Variants in OPTN observed in about 807,000 individuals in gnomAD.
OPTN encodes optineurin, also known as E3-14.7K-interacting protein.
Under a neutral mutation model 70.4 loss-of-function variants are expected in OPTN, and 54 were observed. That is an observed-to-expected ratio of 0.77 (90% confidence interval 0.62 to 0.96). OPTN has a LOEUF of 0.96. Ranked by LOEUF, OPTN falls within the 40% of genes least tolerant of loss-of-function variation. The pLI is 0.00. For missense variants in OPTN, 624 were observed against 673.2 expected (o/e 0.93, Z 0.81); for synonymous variants, 256 against 248.5 (o/e 1.03, Z -0.28).
At chr10:13,102,281 G>A (rs478911) in intron 1 of OPTN, among the ~76,000 whole-genome samples, 1 of 152,000 alleles carries the variant, frequency 6.6e-6, no homozygotes, top group South Asian at 2.1e-4. Context: ...GGTGACTCTG[G>A]TGGGTCAGTT....
chr10:13,137,137 AGCATGGTGGC>A lies in OPTN; in HGVS notation c.*277_*286del. The A allele has an allele frequency of 2.2e-6, 1 of 462,958 alleles. No homozygotes were observed. Among genetic ancestry groups the A allele is most frequent in the South Asian group, 2.0e-5 (1 of 48,872 alleles). 28.7% of individuals were successfully genotyped at this position (462,958 alleles called of 1,614,324 possible). A position where few individuals can be genotyped will look rare whatever the true frequency, so the allele number is the denominator to read the frequency against. On this transcript the variant is annotated 3_prime_UTR_variant, in exon 15 of 15. Coordinates refer to ENST00000378747, the MANE Select transcript of OPTN (RefSeq NM_001008212.2). ...CTACCAAAATTACAAAAATTAGCCG[AGCATGGTGGC>A]GCATGCCTGTAGTCGCAGCTACTCG...
At chr10:13,127,227 G>A (rs930975776) in intron 11 of OPTN, among the ~76,000 whole-genome samples, 21 of 151,972 alleles carry the variant, frequency 1.4e-4, no homozygotes, top group Admixed American at 1.3e-4. Context: ...GGCAATCCAC[G>A]TGCCTCAGCC....
intron 14 of OPTN, among the ~76,000 whole-genome samples, chr10:13,135,396 G>A (rs1006229712): frequency 1.3e-5 from 2 of 151,760 alleles, no homozygotes; most frequent in African/African-American, 4.8e-5. Context: ...ATTCCTCCTT[G>A]TTAACTTTAT....
rs1195827729 is a variant in OPTN at position 13,137,274 on chromosome 10, G to A, written c.*408G>A. On this transcript the variant is annotated 3_prime_UTR_variant, in exon 15 of 15. Transcript: ENST00000378747. ...AGCCTGGGTGACAGAGGGAGACTCTGTCTCGAAAGAAAGAAAGAAAAAAAG... is the reference window on the plus strand; with the variant it reads ...AGCCTGGGTGACAGAGGGAGACTCTATCTCGAAAGAAAGAAAGAAAAAAAG... The A allele has an allele frequency of 3.1e-6, 1 of 322,268 alleles. No individual in the cohort carries two copies. The highest frequency in any genetic ancestry group is 2.1e-5 in the African/African-American group (1 of 47,752). The allele number at this position is 322,268 out of a possible 1,614,324, so 20.0% of individuals were successfully genotyped here.
At chr10:13,114,786 T>TGTA (rs1564358681) in intron 5 of OPTN, among the ~76,000 whole-genome samples, 1 of 103,684 alleles carries the variant, frequency 9.6e-6, no homozygotes, top group African/African-American at 3.9e-5. Context: ...AATTATATAA[T>TGTA]TATATAATTA....
At chr10:13,126,400 C>A (rs1388607351) in intron 11 of OPTN, among the ~76,000 whole-genome samples, 2 of 151,092 alleles carry the variant, frequency 1.3e-5, no homozygotes, top group African/African-American at 4.9e-5. Context: ...CCTGCCTCAG[C>A]CTCCCGAGTA....
Position 13,133,570 on chromosome 10 carries a change from T to G in OPTN, c.1601T>G (p.Leu534Arg), listed in dbSNP as rs1833636623. 1 of 1,613,928 alleles carries G rather than the reference T, an allele frequency of 6.2e-7. No individual in the cohort carries two copies. ...RTSDSDQQAY[L>R]VQRGAEDRDW... ...AGTGACTCTGACCAGCAGGCTTACC[T>G]TGTTCAAAGAGGTGAGTCCCGTGTG... is the stretch of plus-strand genomic sequence containing the variant. Residue 534 changes from leucine (L) to arginine (R), a missense_variant, in exon 14 of 15, where the codon CTT becomes CGT. Physicochemically the swap from Leu to Arg is moderately radical, Grantham distance 102 (BLOSUM62 -2). Transcript: ENST00000378747.
At chr10:13,129,382 C>T (rs1274296045) in intron 12 of OPTN, among the ~76,000 whole-genome samples, 1 of 149,336 alleles carries the variant, frequency 6.7e-6, no homozygotes, top group African/African-American at 2.5e-5. Flanking sequence ...GAGACAGAGT[C>T]TAGCTCTGTC....
chr10:13,108,910 G>GCA lies in OPTN; in HGVS notation c.-11-188_-11-187dup, dbSNP rs71386156. On this transcript the variant is annotated intron_variant, in intron 2 of 14. Coordinates refer to ENST00000378747, the MANE Select transcript of OPTN (RefSeq NM_001008212.2). ...CACACACACATGCACACATGCGCGTGCACACACACACACACTTTTCTGAAG... is the reference window on the plus strand; with the variant it reads ...CACACACACATGCACACATGCGCGTGCACACACACACACACACTTTTCTGAAG... 2.4e-3 allele frequency: 1,406 copies of GCA among 578,652 alleles called. 2 individuals are homozygous for GCA. Among genetic ancestry groups the GCA allele is most frequent in the Middle Eastern group, 5.7e-3 (12 of 2,102 alleles). The allele number at this position is 578,652 out of a possible 1,614,324, so 35.8% of individuals were successfully genotyped here. A position where few individuals can be genotyped will look rare whatever the true frequency, so the allele number is the denominator to read the frequency against.
Position 13,123,876 on chromosome 10 carries a change from A to G in OPTN, c.883-119A>G, listed in dbSNP as rs559163818. 1.7e-4 allele frequency: 124 copies of G among 727,588 alleles called. 5 individuals are homozygous for G. The highest frequency in any genetic ancestry group is 1.3e-3 in the East Asian group (47 of 37,238). 45.1% of individuals were successfully genotyped at this position (727,588 alleles called of 1,614,324 possible). On this transcript the variant is annotated intron_variant, in intron 8 of 14. Transcript: ENST00000378747. ...ATGTTTGGGGTATTGTCAAAGTTGGATTGATTCACCAGCCAGTCTTAATTG... is the reference window on the plus strand; with the variant it reads ...ATGTTTGGGGTATTGTCAAAGTTGGGTTGATTCACCAGCCAGTCTTAATTG...
At chr10:13,111,844 G>GGT (rs754322403) in intron 4 of OPTN, among the ~76,000 whole-genome samples, 1 of 87,730 alleles carries the variant, frequency 1.1e-5, no homozygotes, top group Non-Finnish European at 2.1e-5. Flanking sequence ...TTTTTTGACT[G>GGT]TTTTTTTTTT....
At chr10:13,132,641 C>T (rs533686602) in intron 13 of OPTN, among the ~76,000 whole-genome samples, 8 of 152,080 alleles carry the variant, frequency 5.3e-5, no homozygotes, top group Admixed American at 1.3e-4. Context: ...CTCAGCCTCC[C>T]GAGTAGCTGG....
At chr10:13,119,970 C>T (rs1396818817) in intron 7 of OPTN, among the ~76,000 whole-genome samples, 3 of 148,486 alleles carry the variant, frequency 2.0e-5, no homozygotes, top group Admixed American at 6.9e-5. Flanking sequence ...TGATCTGCAA[C>T]TATTTTCTTT....
chr10:13,132,735 T>C (rs951721071), intron 13 of OPTN, among the ~76,000 whole-genome samples: 2 of 152,142 alleles, frequency 1.3e-5, no homozygotes, highest in African/African-American at 4.8e-5. Context: ...ACGGATGAAA[T>C]ATTCGTAGCA....
At chr10:13,112,370 G>T in intron 4 of OPTN, 83 bp from the exon 5 acceptor site, 1 of 1,351,278 alleles carries the variant, frequency 7.4e-7, no homozygotes. Flanking sequence ...CAGCCTCCCA[G>T]AGCTCTGCGA....
At chr10:13,128,045 G>A in intron 12 of OPTN, 142 bp downstream of exon 12, 1 of 941,378 alleles carries the variant, frequency 1.1e-6, no homozygotes, top group African/African-American at 1.6e-5. Flanking sequence ...CTTTAAAATT[G>A]AAACATTTGG....
Position 13,136,935 on chromosome 10 carries a change from T to A in OPTN, c.*69T>A, listed in dbSNP as rs1465619067. 1 of 1,597,884 alleles carries A rather than the reference T, an allele frequency of 6.3e-7. No homozygotes were observed. The highest frequency in any genetic ancestry group is 1.7e-5 in the Admixed American group (1 of 59,960). On this transcript the variant is annotated 3_prime_UTR_variant, in exon 15 of 15. Coordinates refer to ENST00000378747, the MANE Select transcript of OPTN (RefSeq NM_001008212.2). ...TTTTTTCCTCCAAGAGTTGTGCTTT[T>A]GTGTTATTTGTTTTCACTCAAATAT...
rs186761292 is a variant in OPTN, at chr10:13,116,842, A to G, written c.626+502A>G. On this transcript the variant is annotated intron_variant, in intron 6 of 14. Transcript: ENST00000378747. The stretch of plus-strand genomic sequence containing the variant: ...TTGTGGGTGTTGCCTGAAAGTGCCC[A>G]GATTTCTTATCTGTGGAGTCTCAAG... 2.0e-3 allele frequency among the ~76,000 whole-genome samples: 306 copies of G among 152,272 alleles called. 1 individual carries two copies. The highest frequency in any genetic ancestry group is 7.0e-3 in the African/African-American group (290 of 41,560).
intron 7 of OPTN, among the ~76,000 whole-genome samples, chr10:13,121,728 T>A (rs985795274): frequency 6.6e-6 from 1 of 152,092 alleles, no homozygotes; most frequent in African/African-American, 2.4e-5. Context: ...CTTGGGCTGG[T>A]AAGGCCCCAC....
Sources: allele counts gnomAD v4.1 joint callset (sites outside exome capture counted in the v4.1 genomes callset), GRCh38; gene constraint gnomAD v4.1.1; transcripts MANE v1.5; gene names NCBI Gene and HGNC (gene_info 2026-07-23, HGNC 2026-07-21).